PSD3: variants seen among roughly 807,000 people sequenced by gnomAD.
PSD3 encodes pleckstrin and Sec7 domain containing 3, also known as PH and SEC7 domain-containing protein 3.
In PSD3, 49 loss-of-function variants were observed where a neutral mutation model predicts 105.5. That is an observed-to-expected ratio of 0.46 (90% CI 0.37 to 0.59). The LOEUF is 0.59. Ranked by LOEUF, PSD3 falls within the 20% of genes least tolerant of loss-of-function variation. The pLI is 0.00. For synonymous variants in PSD3, 557 were observed against 457.8 expected, an observed-to-expected ratio of 1.22 and a Z score of -2.77; for missense variants, 1,561 against 1,263.8, an observed-to-expected ratio of 1.24 and a Z score of -3.57.
chr8:19,044,904 G>T (rs535473022), intron 1 of PSD3, among the ~76,000 whole-genome samples: 2 of 152,302 alleles, frequency 1.3e-5, no homozygotes, highest in East Asian at 3.9e-4. Flanking sequence ...TAATGTCCAG[G>T]CTGGGCATGG....
At chr8:19,081,579 A>G (rs1414614768) in intron 1 of PSD3, among the ~76,000 whole-genome samples, 1 of 152,174 alleles carries the variant, frequency 6.6e-6, no homozygotes, top group African/African-American at 2.4e-5. Context: ...AGATTTTCAT[A>G]AGAGGAAATA....
intron 2 of PSD3, among the ~76,000 whole-genome samples, chr8:18,925,771 G>A (rs2129467885): frequency 6.6e-6 from 1 of 152,222 alleles, no homozygotes; most frequent in East Asian, 1.9e-4. Context: ...AAGATGACTG[G>A]AGGACGCATT....
At chr8:18,855,729 T>A (rs1815957449) in intron 4 of PSD3, among the ~76,000 whole-genome samples, 1 of 152,052 alleles carries the variant, frequency 6.6e-6, no homozygotes, top group South Asian at 2.1e-4. Context: ...CAGATGCACA[T>A]CTCTAAAGGA....
Position 18,535,060 on chromosome 8 carries a change from C to T in PSD3, c.*683G>A, listed in dbSNP as rs999927537. On this transcript the variant is annotated 3_prime_UTR_variant, in exon 16 of 16. Coordinates refer to ENST00000327040, the MANE Select transcript of PSD3 (RefSeq NM_015310.4). ...CAAAGGCAAAATGACTCCACTTCCT[C>T]TTTCCCTTGCTTGGCTGAAATGGAA... 1 of 152,694 alleles carries T rather than the reference C, an allele frequency of 6.5e-6. No homozygotes were observed. Among genetic ancestry groups the T allele is most frequent in the African/African-American group, 2.4e-5 (1 of 41,458 alleles). 9.5% of individuals were successfully genotyped at this position (152,694 alleles called of 1,614,324 possible).
rs1461611983 is a variant in PSD3 at position 18,531,929 on chromosome 8, G to C, written c.*3814C>G. ...CCAAGTCCACGGGAGTTAAATTACA[G>C]AGATTCAAACCTGCAAAGCTAAACT... On this transcript the variant is annotated 3_prime_UTR_variant, in exon 16 of 16. Coordinates refer to ENST00000327040, the MANE Select transcript of PSD3 (RefSeq NM_015310.4). The C allele has an allele frequency of 6.6e-6, 1 of 152,190 alleles. No homozygotes were observed. Among genetic ancestry groups the C allele is most frequent in the Non-Finnish European group, 1.5e-5 (1 of 68,046 alleles). 9.4% of individuals were successfully genotyped at this position (152,190 alleles called of 1,614,324 possible). A position where few individuals can be genotyped will look rare whatever the true frequency, so the allele number is the denominator to read the frequency against.
At chr8:18,781,472 C>A (rs1200772229) in intron 8 of PSD3, among the ~76,000 whole-genome samples, 1 of 152,172 alleles carries the variant, frequency 6.6e-6, no homozygotes, top group Non-Finnish European at 1.5e-5. Flanking sequence ...ATTTGTCAGC[C>A]TCTTTCTTTG....
intron 15 of PSD3, among the ~76,000 whole-genome samples, chr8:18,548,108 T>A (rs531148480): frequency 2.2e-4 from 34 of 152,348 alleles, no homozygotes; most frequent in Non-Finnish European, 4.6e-4. Context: ...TTCTATTGCA[T>A]TTTTAAAATG....
In PSD3 at chr8:18,535,918, C is replaced by A; in HGVS notation, c.2969G>T (p.Gly990Val). 1 of 1,614,174 alleles carries A rather than the reference C, an allele frequency of 6.2e-7. No individual in the cohort carries two copies. Among genetic ancestry groups the A allele is most frequent in the Non-Finnish European group, 8.5e-7 (1 of 1,180,018 alleles). Residue 990 changes from glycine to valine, a missense_variant, in exon 16 of 16, where the codon GGA (glycine) becomes GTA (valine). Gly to Val is a moderately radical substitution (Grantham distance 109). Coordinates refer to ENST00000327040, the MANE Select transcript of PSD3 (RefSeq NM_015310.4). Reference protein sequence around the residue: ...YEMYVSILKEGGKELLSNDES... With the variant: ...YEMYVSILKEVGKELLSNDES... ...ATCGTTACTCAGTAGCTCTTTGCCTCCTTCCTTGAGAATGCTGACATACAT... is the reference window on the plus strand; with the variant it reads ...ATCGTTACTCAGTAGCTCTTTGCCTACTTCCTTGAGAATGCTGACATACAT...
At chr8:18,693,757 T>C (rs1346702306) in intron 9 of PSD3, among the ~76,000 whole-genome samples, 1 of 152,214 alleles carries the variant, frequency 6.6e-6, no homozygotes, top group Admixed American at 6.5e-5. Flanking sequence ...TTCAAGTCTA[T>C]TTTTCTAATA....
chr8:18,893,551 T>C (rs1382543513), intron 2 of PSD3, among the ~76,000 whole-genome samples: 1 of 152,222 alleles, frequency 6.6e-6, no homozygotes, highest in African/African-American at 2.4e-5. Flanking sequence ...TCGTCTCAAG[T>C]ATCAAGTAAA....
chr8:18,991,376 A>ATG (rs2129473541), intron 1 of PSD3, among the ~76,000 whole-genome samples: 1 of 134,082 alleles, frequency 7.5e-6, no homozygotes, highest in South Asian at 2.4e-4. Context: ...ACACACATAC[A>ATG]CACACACACA....
chr8:18,782,715 G>C (rs957079903), intron 8 of PSD3, among the ~76,000 whole-genome samples: 2 of 152,156 alleles, frequency 1.3e-5, no homozygotes, highest in Admixed American at 1.3e-4. Flanking sequence ...CCCTTAGATG[G>C]TATGCATAAT....
intron 1 of PSD3, among the ~76,000 whole-genome samples, chr8:19,020,490 G>A (rs562686469): frequency 1.6e-4 from 25 of 152,098 alleles, no homozygotes; most frequent in Non-Finnish European, 2.8e-4. Flanking sequence ...CAGGTGAAAG[G>A]TATTCAGAGA....
At chr8:18,925,028 A>C (rs955829032) in intron 2 of PSD3, among the ~76,000 whole-genome samples, 5 of 152,238 alleles carry the variant, frequency 3.3e-5, no homozygotes, top group African/African-American at 1.2e-4. Flanking sequence ...CTATGAAGAA[A>C]GTGAAAACAT....
At chr8:18,888,248 G>C (rs1419129776) in intron 2 of PSD3, among the ~76,000 whole-genome samples, 1 of 152,152 alleles carries the variant, frequency 6.6e-6, no homozygotes, top group Non-Finnish European at 1.5e-5. Flanking sequence ...CCAGGGTAGT[G>C]GAAATACACC....
intron 9 of PSD3, among the ~76,000 whole-genome samples, chr8:18,716,872 G>A (rs62495832): frequency 0.02 from 2,986 of 152,174 alleles, 51 homozygotes; most frequent in African/African-American, 0.046. Context: ...ACTCCCTCAC[G>A]GATACAGCAC....
intron 9 of PSD3, among the ~76,000 whole-genome samples, chr8:18,727,721 C>G (rs963401860): frequency 1.3e-5 from 2 of 152,042 alleles, no homozygotes; most frequent in African/African-American, 4.8e-5. Flanking sequence ...TCAGTGTCTG[C>G]ATACCAGTTA....
intron 12 of PSD3, among the ~76,000 whole-genome samples, chr8:18,579,171 T>G (rs1188324703): frequency 6.8e-6 from 1 of 146,568 alleles, no homozygotes; most frequent in Non-Finnish European, 1.5e-5. Context: ...AACATTAGGG[T>G]TGACAATTGG....
chr8:18,649,489 C>G (rs1808312698), intron 10 of PSD3, among the ~76,000 whole-genome samples: 1 of 152,088 alleles, frequency 6.6e-6, no homozygotes, highest in Non-Finnish European at 1.5e-5. Context: ...TTGGGAGCAA[C>G]TAATTTGTTT....
Sources: allele counts gnomAD v4.1 joint callset (sites outside exome capture counted in the v4.1 genomes callset), GRCh38; gene constraint gnomAD v4.1.1; transcripts MANE v1.5; gene names NCBI Gene and HGNC (gene_info 2026-07-23, HGNC 2026-07-21).